The following ELF1 variants were observed in gnomAD, a reference collection of about 807,000 sequenced individuals.
ELF1 encodes ETS-related transcription factor Elf-1.
Under a neutral mutation model 59.9 loss-of-function variants are expected in ELF1, and 24 were observed. The observed-to-expected ratio is 0.40, with a 90% CI of 0.29 to 0.56. The LOEUF (loss-of-function observed/expected upper bound fraction) is 0.56. ELF1 is among the 20% of genes least tolerant of loss of function. The pLI is 0.44. For missense variants in ELF1, 627 were observed against 742.2 expected, an observed-to-expected ratio of 0.84 and a Z score of 1.80; for synonymous variants, 248 against 266.2, an observed-to-expected ratio of 0.93 and a Z score of 0.67.
chr13:41,041,271 A>C (rs1439033226), intron 1 of ELF1, among the ~76,000 whole-genome samples: 1 of 151,978 alleles, frequency 6.6e-6, no homozygotes, highest in African/African-American at 2.4e-5. Flanking sequence ...AAAAAAAAAA[A>C]AAAAAAAACC....
At chr13:40,981,651 C>T (rs1873277952) in intron 2 of ELF1, among the ~76,000 whole-genome samples, 1 of 152,054 alleles carries the variant, frequency 6.6e-6, no homozygotes, top group South Asian at 2.1e-4. Context: ...TAACCACATA[C>T]ATTAAAAGGC....
intron 1 of ELF1, among the ~76,000 whole-genome samples, chr13:41,038,793 ATCACTT>A (rs1489343843): frequency 6.6e-6 from 1 of 151,886 alleles, no homozygotes; most frequent in African/African-American, 2.4e-5. Flanking sequence ...GAGGCAGTGG[ATCACTT>A]GTGGTCAGGA....
chr13:41,049,114 TC>T (rs1481259161), intron 1 of ELF1, among the ~76,000 whole-genome samples: 1 of 152,168 alleles, frequency 6.6e-6, no homozygotes, highest in Non-Finnish European at 1.5e-5. Context: ...CTGCCCCACC[TC>T]CTCACCACTT....
chr13:40,933,858 G>A lies in ELF1; in HGVS notation c.1427C>T (p.Pro476Leu). The change falls in exon 9 of 9, where the codon CCC (proline) becomes CTC (leucine). Residue 476 changes from proline to leucine, a missense_variant. Coordinates refer to ENST00000239882, the MANE Select transcript of ELF1 (RefSeq NM_172373.4). ...GACATTTTCTTTCAGTACTGTCATG[G>A]GCTGTGATGATGGAATGGCTTGTAA... is the stretch of plus-strand genomic sequence containing the variant. ...FILQAIPSSQ[P>L]MTVLKENVML... The A allele has an allele frequency of 6.2e-7, 1 of 1,614,240 alleles. No homozygotes were observed.
intron 1 of ELF1, among the ~76,000 whole-genome samples, chr13:40,986,779 G>C (rs1873568926): frequency 1.3e-5 from 2 of 151,876 alleles, no homozygotes; most frequent in Admixed American, 1.3e-4. Context: ...ATGGCTACTT[G>C]TTTAATTTAT....
chr13:41,054,318 G>A (rs1040237605), intron 1 of ELF1, among the ~76,000 whole-genome samples: 5 of 152,164 alleles, frequency 3.3e-5, no homozygotes, highest in Admixed American at 2.6e-4. Context: ...ATGCACCAAC[G>A]TGGAAGAACC....
chr13:41,018,300 A>G (rs914496781), intron 1 of ELF1, among the ~76,000 whole-genome samples: 26 of 152,192 alleles, frequency 1.7e-4, no homozygotes, highest in Non-Finnish European at 7.3e-5. Context: ...AAAATCTCAT[A>G]ACTACAATGA....
intron 1 of ELF1, among the ~76,000 whole-genome samples, chr13:41,056,345 T>C (rs769876936): frequency 2.6e-5 from 4 of 152,222 alleles, no homozygotes; most frequent in Non-Finnish European, 5.9e-5. Context: ...AATATTCCAC[T>C]GTGTGGATAC....
At chr13:40,951,663 G>T (rs1424737855) in intron 3 of ELF1, 2 of 309,384 alleles carry the variant, frequency 6.5e-6, no homozygotes, top group Non-Finnish European at 1.2e-5. Flanking sequence ...TTGAGGTCAG[G>T]AGTCTGAGAC....
chr13:40,940,565 C>T (rs887701446), intron 8 of ELF1, among the ~76,000 whole-genome samples: 5 of 152,096 alleles, frequency 3.3e-5, no homozygotes, highest in African/African-American at 4.8e-5. Flanking sequence ...TCTCAATGTC[C>T]TAATATGTCA....
chr13:40,934,416 C>CTTTTT lies in ELF1; in HGVS notation c.1257-393_1257-389dup, dbSNP rs10692930. Among the ~76,000 whole-genome samples the CTTTTT allele has an allele frequency of 2.6e-3, 270 of 102,392 alleles. 7 individuals carry two copies. Among genetic ancestry groups the CTTTTT allele is most frequent in the African/African-American group, 6.7e-3 (189 of 28,372 alleles). 67.2% of individuals were successfully genotyped at this position (102,392 alleles called of 152,430 possible). On this transcript the variant is annotated intron_variant, in intron 8 of 8. Transcript: ENST00000239882. ...AGCAAATCTGTTTGATTCATTCCTG[C>CTTTTT]TTTTTTTTTTTTTTTTTTTTTTTTA... is the stretch of plus-strand genomic sequence containing the variant.
At chr13:41,033,620 T>C (rs947377285) in intron 1 of ELF1, among the ~76,000 whole-genome samples, 1 of 152,176 alleles carries the variant, frequency 6.6e-6, no homozygotes. Flanking sequence ...GAGAATTAGA[T>C]TCTCATAGGA....
At chr13:41,048,298 G>A (rs890531877) in intron 1 of ELF1, among the ~76,000 whole-genome samples, 3 of 152,300 alleles carry the variant, frequency 2.0e-5, no homozygotes, top group Admixed American at 6.5e-5. Context: ...CACACTGTCC[G>A]ACAAGCCCCA....
intron 1 of ELF1, among the ~76,000 whole-genome samples, chr13:41,012,220 G>A (rs1875104347): frequency 6.8e-6 from 1 of 146,576 alleles, no homozygotes; most frequent in African/African-American, 2.5e-5. Flanking sequence ...GGCCGAGGCA[G>A]CAGAATCACT....
At chr13:41,028,948 T>C (rs1876057945) in intron 1 of ELF1, among the ~76,000 whole-genome samples, 1 of 151,832 alleles carries the variant, frequency 6.6e-6, no homozygotes, top group African/African-American at 2.4e-5. Flanking sequence ...TTTCACCATA[T>C]TGGCCAGGCT....
intron 1 of ELF1, among the ~76,000 whole-genome samples, chr13:41,046,986 T>G (rs986414513): frequency 2.6e-5 from 4 of 152,206 alleles, no homozygotes; most frequent in African/African-American, 9.6e-5. Context: ...GTTCGTTTCT[T>G]TTTACTTTTT....
At chr13:41,000,560 C>T (rs1172152902) in intron 1 of ELF1, among the ~76,000 whole-genome samples, 1 of 151,974 alleles carries the variant, frequency 6.6e-6, no homozygotes, top group Non-Finnish European at 1.5e-5. Flanking sequence ...TGCTTTATCG[C>T]TTTGTTGTAC....
At chr13:40,993,271 T>A in intron 1 of ELF1, 1 of 1,581,634 alleles carries the variant, frequency 6.3e-7, no homozygotes, top group Non-Finnish European at 8.7e-7. Context: ...GGGCCTCTGG[T>A]TTCCAGGCGC....
At chr13:40,952,234 T>C (rs1273431537) in intron 3 of ELF1, among the ~76,000 whole-genome samples, 2 of 152,170 alleles carry the variant, frequency 1.3e-5, no homozygotes, top group East Asian at 3.8e-4. Context: ...TGAGTAGTCA[T>C]ATCTGGAGGC....
Sources: allele counts gnomAD v4.1 joint callset (sites outside exome capture counted in the v4.1 genomes callset), GRCh38; gene constraint gnomAD v4.1.1; transcripts MANE v1.5; gene names NCBI Gene and HGNC (gene_info 2026-07-23, HGNC 2026-07-21).